Variants in TDRD9 observed in about 807,000 individuals in gnomAD.
TDRD9 encodes the protein ATP-dependent RNA helicase TDRD9.
Under a neutral mutation model 172.6 loss-of-function variants are expected in TDRD9, and 124 were observed. The observed-to-expected ratio is 0.72, with a 90% CI of 0.62 to 0.83. TDRD9 has a LOEUF of 0.83. TDRD9 is among the 40% of genes least tolerant of loss of function. The pLI, the probability that TDRD9 is intolerant of heterozygous loss-of-function variation, is 0.00. For missense variants in TDRD9, 1,479 were observed against 1,714.1 expected (o/e 0.86, Z 2.42); for synonymous variants, 619 against 617.1 (o/e 1.00, Z -0.05).
chr14:103,951,603 T>G (rs926295723), intron 1 of TDRD9, among the ~76,000 whole-genome samples: 7 of 152,336 alleles, frequency 4.6e-5, no homozygotes, highest in African/African-American at 1.4e-4. Context: ...TTTTATTTGC[T>G]TAATATTAGG....
chr14:103,941,986 C>G (rs1241984067), intron 1 of TDRD9: 1 of 343,546 alleles, frequency 2.9e-6, no homozygotes, highest in Non-Finnish European at 5.2e-6. Context: ...AACACTAACA[C>G]TTGCTGTGAA....
intron 7 of TDRD9, among the ~76,000 whole-genome samples, chr14:103,985,391 G>C (rs1302184500): frequency 6.6e-6 from 1 of 152,198 alleles, no homozygotes. Context: ...TTCTGTAAGG[G>C]AGAGTTTCCA....
chr14:103,976,270 CT>C (rs1566753299), intron 7 of TDRD9, among the ~76,000 whole-genome samples: 2 of 150,704 alleles, frequency 1.3e-5, no homozygotes, highest in African/African-American at 2.4e-5. Context: ...CCATTCATCT[CT>C]TTTTTTTCTT....
chr14:103,930,429 G>A (rs2030305925), intron 1 of TDRD9, among the ~76,000 whole-genome samples: 1 of 152,294 alleles, frequency 6.6e-6, no homozygotes, highest in Admixed American at 6.5e-5. Context: ...ACCCATGTCG[G>A]CCTCCCAAAG....
intron 31 of TDRD9, 80 bp from the exon 32 acceptor site, chr14:104,034,880 A>T (rs2035401932): frequency 9.4e-6 from 10 of 1,061,266 alleles, no homozygotes; most frequent in Non-Finnish European, 1.4e-5. Context: ...CCTGCAGATG[A>T]GTAGGAGCGG....
At chr14:104,017,505 G>A (rs1595991188) in intron 22 of TDRD9, among the ~76,000 whole-genome samples, 1 of 152,224 alleles carries the variant, frequency 6.6e-6, no homozygotes, top group African/African-American at 2.4e-5. Flanking sequence ...CTGAGCCCCA[G>A]CCCATGCCTT....
At chr14:104,002,802 G>T (rs919495162) in intron 13 of TDRD9, among the ~76,000 whole-genome samples, 7 of 151,298 alleles carry the variant, frequency 4.6e-5, no homozygotes, top group Admixed American at 4.6e-4. Context: ...CGTGATCTCG[G>T]CTCACTGCAG....
chr14:104,035,001 A>G lies in TDRD9; in HGVS notation c.3661A>G (p.Ile1221Val). The G allele has an allele frequency of 6.4e-7, 1 of 1,551,816 alleles. No homozygotes were observed. Among genetic ancestry groups the G allele is most frequent in the Non-Finnish European group, 8.7e-7 (1 of 1,146,986 alleles). Residue 1221 changes from isoleucine (I) to valine (V), a missense_variant, in exon 32 of 36, where the codon ATC (isoleucine) becomes GTC (valine). By Grantham distance (29) the Ile-to-Val change is conservative. Around this residue, in one of 3 missense-constraint regions of TDRD9, gnomAD observed 1,413 missense variants for 1,649.1 expected, o/e 0.86. Transcript: ENST00000409874. ...LLRETSLMPH[I>V]PGLPALLSML... ...GAGAGAAACCTCTCTGATGCCTCAT[A>G]TCCCTGGCCTCCCGGCTCTCCTCAG...
intron 7 of TDRD9, among the ~76,000 whole-genome samples, chr14:103,983,929 A>G (rs1237180113): frequency 6.6e-6 from 1 of 152,174 alleles, no homozygotes; most frequent in Non-Finnish European, 1.5e-5. Flanking sequence ...TTTCAGATGG[A>G]GATGAGGAAC....
intron 29 of TDRD9, among the ~76,000 whole-genome samples, chr14:104,031,689 T>C (rs2035288484): frequency 6.6e-6 from 1 of 152,040 alleles, no homozygotes; most frequent in Non-Finnish European, 1.5e-5. Flanking sequence ...GGTTGTGTGG[T>C]CTCAGGTCTA....
At chr14:103,943,009 T>A (rs138555102) in intron 1 of TDRD9, among the ~76,000 whole-genome samples, 8 of 152,240 alleles carry the variant, frequency 5.3e-5, no homozygotes, top group Non-Finnish European at 1.2e-4. Context: ...AAACAAAATC[T>A]TATAATTCAT....
At chr14:104,034,534 G>A (rs1201947698) in intron 31 of TDRD9, among the ~76,000 whole-genome samples, 1 of 152,186 alleles carries the variant, frequency 6.6e-6, no homozygotes, top group African/African-American at 2.4e-5. Context: ...TTTGGCTGGT[G>A]CGAGGTTACG....
chr14:103,931,223 C>T (rs1393258858), intron 1 of TDRD9, among the ~76,000 whole-genome samples: 1 of 151,746 alleles, frequency 6.6e-6, no homozygotes. Context: ...TGCTTGAGTC[C>T]CTGAGGCAGA....
intron 28 of TDRD9, among the ~76,000 whole-genome samples, chr14:104,029,117 G>A (rs577866775): frequency 9.9e-5 from 15 of 152,236 alleles, no homozygotes; most frequent in Admixed American, 2.6e-4. Context: ...CAGGTACTGC[G>A]ATGTCTCTTG....
At chr14:103,947,549 G>A (rs540683461) in intron 1 of TDRD9, among the ~76,000 whole-genome samples, 10 of 152,040 alleles carry the variant, frequency 6.6e-5, no homozygotes, top group Admixed American at 1.3e-4. Context: ...AGATGGTCTG[G>A]ATCTCCTGAC....
In TDRD9 at chr14:103,965,432, G is replaced by C; in HGVS notation, c.520G>C (p.Val174Leu). ...CCCGCAGTATATCTTGGACCACTAC[G>C]TTCAGCGCTCCGCCTACTGCAGCAT... ...QLPQYILDHY[V>L]QRSAYCSIVV... Residue 174 changes from valine to leucine, a missense_variant, in exon 4 of 36, where the codon GTT becomes CTT. Val to Leu is a conservative substitution (Grantham distance 32). This residue lies in a region of TDRD9 where 1,413 missense variants were observed against 1,649.1 expected (regional missense o/e 0.86). Coordinates refer to ENST00000409874, the MANE Select transcript of TDRD9 (RefSeq NM_153046.3). 6.4e-7 allele frequency: 1 copy of C among 1,551,596 alleles called. No individual in the cohort carries two copies. Among genetic ancestry groups the C allele is most frequent in the Middle Eastern group, 1.7e-4 (1 of 5,988 alleles).
At chr14:103,969,168 C>CTT (rs147613591) in intron 5 of TDRD9, among the ~76,000 whole-genome samples, 6,744 of 137,554 alleles carry the variant, frequency 0.049, 336 homozygotes, top group Admixed American at 0.13. Context: ...ATTCAATAAA[C>CTT]TTTTTTTTTT....
chr14:103,979,837 T>C (rs1173810037), intron 7 of TDRD9, among the ~76,000 whole-genome samples: 1 of 152,108 alleles, frequency 6.6e-6, no homozygotes, highest in Non-Finnish European at 1.5e-5. Context: ...AGGTAGCACT[T>C]ACATTTACAA....
intron 28 of TDRD9, among the ~76,000 whole-genome samples, chr14:104,028,022 C>G (rs192133923): frequency 3.9e-4 from 59 of 152,262 alleles, no homozygotes; most frequent in African/African-American, 1.4e-3. Flanking sequence ...CCAAGAATGA[C>G]AGGATTTTTT....
Sources: allele counts gnomAD v4.1 joint callset (sites outside exome capture counted in the v4.1 genomes callset), GRCh38; gene constraint gnomAD v4.1.1; regional missense constraint gnomAD v4.1.1; transcripts MANE v1.5; gene names NCBI Gene and HGNC (gene_info 2026-07-23, HGNC 2026-07-21).